Variants in ABL1 observed in about 807,000 individuals in gnomAD.
The protein encoded by ABL1 is ABL proto-oncogene 1, non-receptor tyrosine kinase.
A neutral mutation model predicts 94.7 loss-of-function variants in ABL1; 11 were observed. The ratio of observed to expected loss-of-function variants is 0.12; its 90% CI spans 0.07 to 0.19. The LOEUF (loss-of-function observed/expected upper bound fraction) is 0.19, where lower values mean the gene tolerates loss of function less well. Among genes scored for constraint, ABL1 ranks in the 10% least tolerant of loss-of-function variants. The pLI is 1.00. For missense variants in ABL1, 1,082 were observed against 1,489.4 expected, an observed-to-expected ratio of 0.73 and a Z score of 4.50; for synonymous variants, 656 against 622.4, an observed-to-expected ratio of 1.05 and a Z score of -0.80.
chr9:130,865,396 A>G lies in ABL1; in HGVS notation c.822+2361A>G, dbSNP rs539921130. Among the ~76,000 whole-genome samples, 11 of 152,338 alleles carry G rather than the reference A, an allele frequency of 7.2e-5. No homozygotes were observed. In the South Asian group the frequency reaches 2.1e-3, roughly 29 times the overall value. On this transcript the variant is annotated intron_variant, in intron 4 of 10. Coordinates refer to ENST00000318560, the MANE Select transcript of ABL1 (RefSeq NM_005157.6). ...CCGTGCGCAGAAACATCCCTGCAGTATGTTGCCTATTTGTCAAATAAGATT... is the reference window on the plus strand; with the variant it reads ...CCGTGCGCAGAAACATCCCTGCAGTGTGTTGCCTATTTGTCAAATAAGATT...
At chr9:130,801,375 G>T (rs946277829) in intron 1 of ABL1, among the ~76,000 whole-genome samples, 1 of 151,814 alleles carries the variant, frequency 6.6e-6, no homozygotes, top group Non-Finnish European at 1.5e-5. Context: ...CTACAGGTGC[G>T]TGCCACCACG....
intron 1 of ABL1, among the ~76,000 whole-genome samples, chr9:130,826,606 G>A (rs1377990269): frequency 6.6e-6 from 1 of 152,148 alleles, no homozygotes; most frequent in Admixed American, 6.5e-5. Context: ...TCTGCGGAAA[G>A]GTCAGAAATT....
chr9:130,840,380 G>T (rs1361796419), intron 1 of ABL1, among the ~76,000 whole-genome samples: 1 of 152,096 alleles, frequency 6.6e-6, no homozygotes, highest in South Asian at 2.1e-4. Flanking sequence ...TATTTCTCCT[G>T]TCCAGAGACA....
intron 1 of ABL1, among the ~76,000 whole-genome samples, chr9:130,739,522 A>G (rs974881697): frequency 6.6e-5 from 10 of 152,216 alleles, no homozygotes; most frequent in Non-Finnish European, 1.3e-4. Context: ...AGGAAAATTG[A>G]TTCAGAAAGC....
chr9:130,829,786 A>G (rs772788693), intron 1 of ABL1, among the ~76,000 whole-genome samples: 3 of 152,250 alleles, frequency 2.0e-5, no homozygotes, highest in Non-Finnish European at 4.4e-5. Context: ...AGTGAAGAAT[A>G]TTTATATCAT....
intron 1 of ABL1, among the ~76,000 whole-genome samples, chr9:130,776,537 AC>A (rs1301329619): frequency 6.6e-6 from 1 of 151,476 alleles, no homozygotes; most frequent in African/African-American, 2.4e-5. Flanking sequence ...AGATCGTGCT[AC>A]TGTACTCTAG....
intron 1 of ABL1, among the ~76,000 whole-genome samples, chr9:130,763,278 A>G (rs1035747155): frequency 6.6e-6 from 1 of 152,146 alleles, no homozygotes; most frequent in Admixed American, 6.5e-5. Context: ...TTAGCAAAGT[A>G]AAGAATAGAG....
chr9:130,782,329 G>A (rs1243069202), intron 1 of ABL1, among the ~76,000 whole-genome samples: 2 of 152,172 alleles, frequency 1.3e-5, no homozygotes, highest in East Asian at 3.9e-4. Flanking sequence ...CCAAAGTGCT[G>A]GGATTACAGG....
intron 1 of ABL1, among the ~76,000 whole-genome samples, chr9:130,790,466 T>G (rs986558649): frequency 6.5e-5 from 3 of 46,038 alleles, no homozygotes; most frequent in African/African-American, 3.0e-4. Context: ...TCATTTTTAT[T>G]TTATTTATTT....
chr9:130,859,676 CCTTTTTTTTTTTTTTTT>C lies in ABL1; in HGVS notation c.550-3086_550-3070del, dbSNP rs1564314308. Among the ~76,000 whole-genome samples, 9 of 96,180 alleles carry C rather than the reference CCTTTTTTTTTTTTTTTT, an allele frequency of 9.4e-5. 1 individual carries two copies. Among genetic ancestry groups the C allele is most frequent in the African/African-American group, 4.8e-4 (9 of 18,798 alleles). 63.1% of individuals were successfully genotyped at this position (96,180 alleles called of 152,430 possible). On this transcript the variant is annotated intron_variant, in intron 3 of 10. Transcript: ENST00000318560. The stretch of plus-strand genomic sequence containing the variant: ...GAAACGCTGTTTCTTTTCTTTCTTT[CCTTTTTTTTTTTTTTTT>C]TTTTTTTTTTTTTGAGACAGGCTGT...
intron 1 of ABL1, among the ~76,000 whole-genome samples, chr9:130,811,995 A>AAAAGCAAACAGAGC: frequency 6.6e-6 from 1 of 151,534 alleles, no homozygotes; most frequent in Non-Finnish European, 1.5e-5. Flanking sequence ...ACTAAACAGG[A>AAAAGCAAACAGAGC]AAAGCAAACA....
intron 1 of ABL1, among the ~76,000 whole-genome samples, chr9:130,785,737 A>G (rs911077655): frequency 6.6e-6 from 1 of 151,938 alleles, no homozygotes; most frequent in African/African-American, 2.4e-5. Flanking sequence ...AACCTGGCCA[A>G]CATGGTGAAA....
chr9:130,846,247 T>G (rs1348578362), intron 1 of ABL1, among the ~76,000 whole-genome samples: 1 of 152,180 alleles, frequency 6.6e-6, no homozygotes, highest in Non-Finnish European at 1.5e-5. Context: ...TCCTCTAAGC[T>G]CATATTTTGA....
intron 1 of ABL1, among the ~76,000 whole-genome samples, chr9:130,720,017 G>C (rs1831495664): frequency 6.6e-6 from 1 of 152,164 alleles, no homozygotes; most frequent in South Asian, 2.1e-4. Flanking sequence ...ATTCACTTTT[G>C]GGAGAGTTGG....
chr9:130,830,887 T>C (rs1306583154), upstream of ABL1, among the ~76,000 whole-genome samples: 1 of 152,216 alleles, frequency 6.6e-6, no homozygotes, highest in Non-Finnish European at 1.5e-5. Flanking sequence ...GACTCAGCGC[T>C]AGCCTTTGTG....
Position 130,885,594 on chromosome 9 carries a change from G to A in ABL1, c.3304G>A (p.Ala1102Thr). Residue 1102 changes from alanine to threonine, a missense_variant, in exon 11 of 11, where the codon GCG (alanine) becomes ACG (threonine). Around this residue, in one of 7 missense-constraint regions of ABL1, gnomAD observed 780 missense variants for 835.8 expected, o/e 0.93. Transcript: ENST00000318560. ...NNLRELQICP[A>T]TAGSGPAATQ... Reference sequence around the variant, plus strand: ...TCTCCGGGAGCTTCAGATCTGCCCGGCGACAGCAGGCAGTGGTCCAGCGGC... The same window carrying A: ...TCTCCGGGAGCTTCAGATCTGCCCGACGACAGCAGGCAGTGGTCCAGCGGC... 6.2e-7 allele frequency: 1 copy of A among 1,613,800 alleles called. No individual in the cohort carries two copies. The highest frequency in any genetic ancestry group is 8.5e-7 in the Non-Finnish European group (1 of 1,180,036).
chr9:130,860,753 A>G (rs1831057112), intron 3 of ABL1, among the ~76,000 whole-genome samples: 1 of 152,168 alleles, frequency 6.6e-6, no homozygotes, highest in South Asian at 2.1e-4. Context: ...CTTGGTAGGG[A>G]GCACATCATC....
chr9:130,770,854 A>T (rs537816714), intron 1 of ABL1, among the ~76,000 whole-genome samples: 1 of 152,170 alleles, frequency 6.6e-6, no homozygotes, highest in African/African-American at 2.4e-5. Flanking sequence ...TTCCCAGCCT[A>T]CCCCTTAACC....
chr9:130,748,905 G>A (rs1482962262), intron 1 of ABL1, among the ~76,000 whole-genome samples: 2 of 152,086 alleles, frequency 1.3e-5, no homozygotes, highest in Non-Finnish European at 2.9e-5. Context: ...GAATAATAAA[G>A]ACTCTAAATT....
Sources: allele counts gnomAD v4.1 joint callset (sites outside exome capture counted in the v4.1 genomes callset), GRCh38; gene constraint gnomAD v4.1.1; regional missense constraint gnomAD v4.1.1; transcripts MANE v1.5; gene names NCBI Gene and HGNC (gene_info 2026-07-23, HGNC 2026-07-21).